Variants in RANBP2 observed in about 807,000 individuals in gnomAD.
The protein encoded by RANBP2 is E3 SUMO-protein ligase RanBP2.
Under a neutral mutation model 303.6 loss-of-function variants are expected in RANBP2, and 57 were observed. That is an observed-to-expected ratio of 0.19 (90% CI 0.15 to 0.23). The LOEUF is 0.23. Among genes scored for constraint, RANBP2 ranks in the 10% least tolerant of loss-of-function variants. The pLI, the probability that RANBP2 is intolerant of heterozygous loss-of-function variation, is 1.00. For synonymous variants in RANBP2, 1,167 were observed against 1,301.5 expected (o/e 0.90, Z 2.23); for missense variants, 3,138 against 3,780.8 (o/e 0.83, Z 4.46).
chr2:109,633,763 G>A, the RANBP2 span, among the ~76,000 whole-genome samples: 5 of 152,258 alleles, frequency 3.3e-5, no homozygotes, highest in South Asian at 2.1e-4. Context: ...ATGATTTAGC[G>A]TTGAAATGAG....
the RANBP2 span, among the ~76,000 whole-genome samples, chr2:109,299,465 A>G: frequency 6.6e-6 from 1 of 151,822 alleles, no homozygotes; most frequent in South Asian, 2.1e-4. Context: ...GCCAGCCACC[A>G]GGGCCTTTTG....
chr2:109,588,758 T>C, the RANBP2 span, among the ~76,000 whole-genome samples: 1 of 151,110 alleles, frequency 6.6e-6, no homozygotes, highest in Non-Finnish European at 1.5e-5. Flanking sequence ...CTCAAAGTGC[T>C]AGGATTACAG....
At chr2:109,061,360 C>A in the RANBP2 span, among the ~76,000 whole-genome samples, 13 of 152,142 alleles carry the variant, frequency 8.5e-5, no homozygotes, top group Non-Finnish European at 1.6e-4. Flanking sequence ...GCTCATTCAG[C>A]ACAGGGATGG....
At chr2:108,728,817 G>C (rs1457067712) in intron 1 of RANBP2, among the ~76,000 whole-genome samples, 5 of 152,134 alleles carry the variant, frequency 3.3e-5, no homozygotes, top group South Asian at 2.1e-4. Flanking sequence ...GCTAATTTTT[G>C]TATTTTTGTC....
the RANBP2 span, among the ~76,000 whole-genome samples, chr2:109,403,060 G>A: frequency 1.3e-5 from 2 of 152,322 alleles, no homozygotes; most frequent in African/African-American, 4.8e-5. Flanking sequence ...GGCTCTCGCT[G>A]TAATGGACTG....
chr2:109,370,108 GGGAT>G, the RANBP2 span, among the ~76,000 whole-genome samples: 1 of 152,228 alleles, frequency 6.6e-6, no homozygotes, highest in East Asian at 1.9e-4. Context: ...TGCCGAAGGA[GGGAT>G]GGTTCCGGAG....
At chr2:109,337,541 G>C in the RANBP2 span, among the ~76,000 whole-genome samples, 5 of 152,194 alleles carry the variant, frequency 3.3e-5, no homozygotes, top group African/African-American at 9.6e-5. Context: ...CACCCTCAGC[G>C]TTTCCACCCT....
the RANBP2 span, among the ~76,000 whole-genome samples, chr2:108,905,067 A>G: frequency 6.6e-6 from 1 of 152,196 alleles, no homozygotes; most frequent in African/African-American, 2.4e-5. Context: ...ACAAAAAACA[A>G]AGAGACACAG....
chr2:109,766,765 T>A, the RANBP2 span, among the ~76,000 whole-genome samples: 1 of 149,576 alleles, frequency 6.7e-6, no homozygotes, highest in African/African-American at 2.5e-5. Flanking sequence ...GTGGAATTTT[T>A]AACCTGGAAT....
the RANBP2 span, among the ~76,000 whole-genome samples, chr2:109,169,151 C>G: frequency 6.6e-6 from 1 of 152,178 alleles, no homozygotes; most frequent in Non-Finnish European, 1.5e-5. Context: ...CACATCTCGT[C>G]ATATGTACTA....
In RANBP2 at chr2:108,766,271, A is replaced by G; in HGVS notation, c.5732A>G (p.Lys1911Arg). The G allele has an allele frequency of 6.2e-7, 1 of 1,612,216 alleles. No individual in the cohort carries two copies. Among genetic ancestry groups the G allele is most frequent in the Non-Finnish European group, 8.5e-7 (1 of 1,180,012 alleles). Residue 1911 changes from lysine (K) to arginine (R), a missense_variant, in exon 20 of 29, where the codon AAA becomes AGA. Around this residue, in one of 20 missense-constraint regions of RANBP2, gnomAD observed 348 missense variants for 360.4 expected, o/e 0.97. Transcript: ENST00000283195. The part of the protein sequence containing the change: ...GISEPGNQEK[K>R]SEKPLENGTG... Reference sequence around the variant, plus strand: ...TCGGAACCAGGAAATCAAGAAAAGAAAAGTGAAAAGCCTCTTGAAAATGGT... The same window carrying G: ...TCGGAACCAGGAAATCAAGAAAAGAGAAGTGAAAAGCCTCTTGAAAATGGT...
At chr2:109,277,036 T>G in the RANBP2 span, among the ~76,000 whole-genome samples, 6 of 152,098 alleles carry the variant, frequency 3.9e-5, no homozygotes, top group African/African-American at 1.4e-4. Context: ...ACCTGTCAAA[T>G]GGCAGGCACC....
the RANBP2 span, among the ~76,000 whole-genome samples, chr2:109,092,483 C>G: frequency 6.6e-6 from 1 of 152,134 alleles, no homozygotes. Flanking sequence ...ATTTGGTTTC[C>G]CATGCAGCCC....
chr2:109,032,268 C>G, the RANBP2 span, among the ~76,000 whole-genome samples: 1 of 152,118 alleles, frequency 6.6e-6, no homozygotes, highest in African/African-American at 2.4e-5. Flanking sequence ...AGGGCATTTT[C>G]CGGAGTGAAC....
chr2:109,570,800 G>A, the RANBP2 span, among the ~76,000 whole-genome samples: 1 of 152,188 alleles, frequency 6.6e-6, no homozygotes, highest in Non-Finnish European at 1.5e-5. Context: ...GGGATTACAA[G>A]CATGGGCCAC....
At chr2:108,772,780 G>C in intron 22 of RANBP2, 88 bp from the exon 23 acceptor site, 1 of 1,402,232 alleles carries the variant, frequency 7.1e-7, no homozygotes. Context: ...TGTTACCTGG[G>C]TCTGTGGATT....
the RANBP2 span, chr2:109,545,355 A>G: frequency 6.7e-7 from 1 of 1,498,844 alleles, no homozygotes; most frequent in Admixed American, 2.2e-5. Flanking sequence ...CTTATTTTCT[A>G]AAACTTGGGT....
chr2:109,058,327 G>A, the RANBP2 span, among the ~76,000 whole-genome samples: 1 of 152,202 alleles, frequency 6.6e-6, no homozygotes, highest in Non-Finnish European at 1.5e-5. Context: ...GGCATCCAAT[G>A]GGACTAGGGT....
At chr2:109,041,516 C>T in the RANBP2 span, among the ~76,000 whole-genome samples, 3 of 133,456 alleles carry the variant, frequency 2.2e-5, no homozygotes, top group African/African-American at 8.2e-5. Context: ...ATATAATTAA[C>T]GGATGTTAAT....
Sources: gnomAD v4.1 joint callset for allele counts (sites outside exome capture counted in the v4.1 genomes callset) on GRCh38, gnomAD v4.1.1 for gene constraint, gnomAD v4.1.1 regional missense constraint, MANE v1.5 for transcripts, NCBI Gene and HGNC (gene_info 2026-07-23, HGNC 2026-07-21) for gene names.